The following GPR158 variants were observed in gnomAD, a reference collection of about 807,000 sequenced individuals.
The protein encoded by GPR158 is metabotropic glycine receptor.
In GPR158, 30 loss-of-function variants were observed where a neutral mutation model predicts 78.2. The observed-to-expected ratio is 0.38, with a 90% CI of 0.29 to 0.52. The LOEUF (loss-of-function observed/expected upper bound fraction) is 0.52. GPR158 is among the 20% of genes least tolerant of loss of function. The pLI, the probability that GPR158 is intolerant of heterozygous loss-of-function variation, is 0.83. For synonymous variants in GPR158, 581 were observed against 591.1 expected (o/e 0.98, Z 0.25); for missense variants, 1,463 against 1,523.5 (o/e 0.96, Z 0.66).
chr10:25,287,610 C>T (rs1359519816), intron 2 of GPR158, among the ~76,000 whole-genome samples: 1 of 152,066 alleles, frequency 6.6e-6, no homozygotes, highest in East Asian at 1.9e-4. Context: ...CCACGTTTAA[C>T]CTTTACCAAT....
chr10:25,286,764 G>A (rs1352545006), intron 2 of GPR158, among the ~76,000 whole-genome samples: 1 of 151,986 alleles, frequency 6.6e-6, no homozygotes, highest in African/African-American at 2.4e-5. Context: ...ATTCAATATG[G>A]ACAGGAATTG....
chr10:25,328,482 T>C (rs138722783), intron 2 of GPR158, among the ~76,000 whole-genome samples: 2,606 of 152,290 alleles, frequency 0.017, 20 homozygotes, highest in African/African-American at 0.025. Flanking sequence ...AAATATTTGG[T>C]ACCTAATGTT....
At chr10:25,495,791 A>G (rs1211939626) in intron 5 of GPR158, among the ~76,000 whole-genome samples, 2 of 152,184 alleles carry the variant, frequency 1.3e-5, no homozygotes, top group Non-Finnish European at 2.9e-5. Context: ...ACCCATTTAA[A>G]TTAAACAATA....
intron 9 of GPR158, 119 bp from the exon 10 acceptor site, chr10:25,596,524 T>C: frequency 3.0e-6 from 2 of 658,938 alleles, no homozygotes; most frequent in South Asian, 3.4e-5. Context: ...TATAGATAGA[T>C]AGATAGATCT....
At chr10:25,445,863 G>C (rs1835133201) in intron 4 of GPR158, among the ~76,000 whole-genome samples, 1 of 152,160 alleles carries the variant, frequency 6.6e-6, no homozygotes. Flanking sequence ...AGAGGATTTA[G>C]AAGGAACAGG....
At chr10:25,424,604 C>A (rs1834794499) in intron 4 of GPR158, among the ~76,000 whole-genome samples, 1 of 151,702 alleles carries the variant, frequency 6.6e-6, no homozygotes, top group South Asian at 2.1e-4. Context: ...CTACATATGG[C>A]TAGCCAGTTT....
intron 1 of GPR158, among the ~76,000 whole-genome samples, chr10:25,189,115 A>G (rs929636266): frequency 2.0e-5 from 3 of 152,192 alleles, no homozygotes; most frequent in Admixed American, 1.3e-4. Flanking sequence ...AATGGCGATC[A>G]TTCAAAAGTC....
chr10:25,205,979 T>A (rs1853022065), intron 1 of GPR158, among the ~76,000 whole-genome samples: 1 of 130,464 alleles, frequency 7.7e-6, no homozygotes, highest in Admixed American at 8.5e-5. Context: ...CATCCAAATG[T>A]GGGTCCCTCT....
chr10:25,566,898 C>G (rs1374873832), intron 6 of GPR158, among the ~76,000 whole-genome samples: 1 of 152,022 alleles, frequency 6.6e-6, no homozygotes, highest in Non-Finnish European at 1.5e-5. Context: ...TGACAGAAAC[C>G]TCCAGCACTT....
chr10:25,298,362 T>TA (rs1854545526), intron 2 of GPR158, among the ~76,000 whole-genome samples: 1 of 152,332 alleles, frequency 6.6e-6, no homozygotes, highest in South Asian at 2.1e-4. Context: ...GTCTTTTCTT[T>TA]AAAAAATGTA....
intron 5 of GPR158, among the ~76,000 whole-genome samples, chr10:25,492,270 C>T (rs1321695376): frequency 6.6e-6 from 1 of 152,196 alleles, no homozygotes; most frequent in Non-Finnish European, 1.5e-5. Context: ...CCCACCAGGC[C>T]CTGCCTCTGC....
At chr10:25,464,151 G>A (rs824588) in intron 4 of GPR158, among the ~76,000 whole-genome samples, 67,066 of 152,104 alleles carry the variant, frequency 0.44, 15,848 homozygotes, top group East Asian at 0.8. Context: ...CTCCTAAGAA[G>A]ATTATTCAAC....
At position 25,596,808 on chromosome 10, in the gene GPR158, C is replaced by A. The variant is rs1837414331; in HGVS notation, c.2145+19C>A. The A allele has an allele frequency of 3.7e-6, 6 of 1,606,232 alleles. No individual in the cohort carries two copies. Among genetic ancestry groups the A allele is most frequent in the Non-Finnish European group, 5.1e-6 (6 of 1,174,488 alleles). On this transcript the variant is annotated intron_variant, in intron 10 of 10. Coordinates refer to ENST00000376351, the MANE Select transcript of GPR158 (RefSeq NM_020752.3). ...CATTCGGGTAATGCCAGTACTCTAT[C>A]TTTCTTCCTATTTCAGATTAGCCTT...
Position 25,434,722 on chromosome 10 carries a change from A to G in GPR158, c.1335+22249A>G, listed in dbSNP as rs116381140. On this transcript the variant is annotated intron_variant, in intron 4 of 10. Transcript: ENST00000376351. ...AATAGTGATTAAGGTCACAGACGTT[A>G]AAGTCCATCTATCTAGGGCTTTTTT... is the stretch of plus-strand genomic sequence containing the variant. Among the ~76,000 whole-genome samples the G allele has an allele frequency of 5.9e-3, 899 of 152,322 alleles. 11 individuals are homozygous for G. The highest frequency in any genetic ancestry group is 0.021 in the African/African-American group (864 of 41,574).
chr10:25,477,114 T>C (rs191402847), intron 5 of GPR158, among the ~76,000 whole-genome samples: 1 of 152,126 alleles, frequency 6.6e-6, no homozygotes, highest in African/African-American at 2.4e-5. Context: ...GACTTTTTTT[T>C]AACTCCATTT....
At chr10:25,268,843 A>G (rs1854078011) in intron 2 of GPR158, among the ~76,000 whole-genome samples, 1 of 152,146 alleles carries the variant, frequency 6.6e-6, no homozygotes, top group South Asian at 2.1e-4. Flanking sequence ...TTTCAAATGA[A>G]CCAATACTAT....
chr10:25,533,443 G>A (rs961190632), intron 5 of GPR158, among the ~76,000 whole-genome samples: 1 of 152,152 alleles, frequency 6.6e-6, no homozygotes, highest in Non-Finnish European at 1.5e-5. Flanking sequence ...CAGGGTGGAA[G>A]ACCAATACAC....
At chr10:25,206,657 G>T in intron 1 of GPR158, among the ~76,000 whole-genome samples, 1 of 151,930 alleles carries the variant, frequency 6.6e-6, no homozygotes, top group Non-Finnish European at 1.5e-5. Flanking sequence ...CTTACACTGT[G>T]TTTTGACTTA....
chr10:25,355,540 G>A (rs1855538623), intron 2 of GPR158, among the ~76,000 whole-genome samples: 1 of 152,032 alleles, frequency 6.6e-6, no homozygotes, highest in Non-Finnish European at 1.5e-5. Flanking sequence ...TGTTTGAGGA[G>A]GTCATGGTTC....
Sources: allele counts gnomAD v4.1 joint callset (sites outside exome capture counted in the v4.1 genomes callset), GRCh38; gene constraint gnomAD v4.1.1; transcripts MANE v1.5; gene names NCBI Gene and HGNC (gene_info 2026-07-23, HGNC 2026-07-21).